The following SLC24A2 variants were observed in gnomAD, a reference collection of about 807,000 sequenced individuals.
SLC24A2 encodes solute carrier family 24 member 2.
Under a neutral mutation model 62.0 loss-of-function variants are expected in SLC24A2, and 36 were observed. The ratio of observed to expected loss-of-function variants is 0.58; its 90% confidence interval spans 0.44 to 0.77. The LOEUF (loss-of-function observed/expected upper bound fraction) is 0.77, where lower values mean the gene tolerates loss of function less well. Among genes scored for constraint, SLC24A2 ranks in the 30% least tolerant of loss-of-function variants. The pLI is 0.00. For synonymous variants in SLC24A2, 358 were observed against 294.0 expected, an observed-to-expected ratio of 1.22 and a Z score of -2.23; for missense variants, 846 against 817.9, an observed-to-expected ratio of 1.03 and a Z score of -0.42.
At chr9:20,260,845 C>CTTTTATTTTTTT in the SLC24A2 span, among the ~76,000 whole-genome samples, 1 of 110,516 alleles carries the variant, frequency 9.0e-6, no homozygotes, top group African/African-American at 3.7e-5. Flanking sequence ...ACGTATCATT[C>CTTTTATTTTTTT]TTTCTTTTTT....
the SLC24A2 span, among the ~76,000 whole-genome samples, chr9:19,974,886 T>A: frequency 2.0e-5 from 3 of 152,212 alleles, no homozygotes; most frequent in Non-Finnish European, 4.4e-5. Flanking sequence ...TTCCTCACAG[T>A]CCCGTCAGGG....
At chr9:20,091,524 A>G in the SLC24A2 span, among the ~76,000 whole-genome samples, 2 of 152,150 alleles carry the variant, frequency 1.3e-5, no homozygotes, top group Admixed American at 6.5e-5. Context: ...CCTACAAGCC[A>G]GAAGAGACTG....
At chr9:19,879,534 T>C in the SLC24A2 span, among the ~76,000 whole-genome samples, 9 of 152,222 alleles carry the variant, frequency 5.9e-5, no homozygotes, top group Non-Finnish European at 1.2e-4. Context: ...TGTTAAAATG[T>C]TGTTGGTTTT....
the SLC24A2 span, among the ~76,000 whole-genome samples, chr9:19,992,482 T>C: frequency 8.5e-5 from 13 of 152,224 alleles, no homozygotes; most frequent in African/African-American, 3.1e-4. Context: ...TCATTTTATA[T>C]ACAAACAATT....
At chr9:20,201,173 C>T in the SLC24A2 span, among the ~76,000 whole-genome samples, 1 of 152,196 alleles carries the variant, frequency 6.6e-6, no homozygotes. Flanking sequence ...ATCCTCACAG[C>T]TAATAGCTAT....
At chr9:20,292,400 G>C in the SLC24A2 span, among the ~76,000 whole-genome samples, 1 of 152,164 alleles carries the variant, frequency 6.6e-6, no homozygotes, top group African/African-American at 2.4e-5. Context: ...GAGAAGAGTA[G>C]GGAGAAAAGA....
chr9:20,131,283 G>A, the SLC24A2 span, among the ~76,000 whole-genome samples: 13 of 152,084 alleles, frequency 8.5e-5, no homozygotes, highest in East Asian at 1.9e-4. Flanking sequence ...CAGACAGGGC[G>A]CCCAGATTCC....
intron 2 of SLC24A2, among the ~76,000 whole-genome samples, chr9:19,636,286 C>T (rs201400977): frequency 0.4 from 35,481 of 87,832 alleles, 9,793 homozygotes; most frequent in Middle Eastern, 0.44. Flanking sequence ...CTCTTCTTCT[C>T]TTCTTTTCTT....
the SLC24A2 span, among the ~76,000 whole-genome samples, chr9:20,141,389 T>C: frequency 6.6e-6 from 1 of 152,126 alleles, no homozygotes; most frequent in Non-Finnish European, 1.5e-5. Flanking sequence ...CTCATTGTTG[T>C]GGTTTTACCC....
the SLC24A2 span, among the ~76,000 whole-genome samples, chr9:20,281,209 C>T: frequency 6.6e-6 from 1 of 152,260 alleles, no homozygotes; most frequent in Non-Finnish European, 1.5e-5. Flanking sequence ...GGAATACAGG[C>T]GTGAACCACC....
At chr9:19,614,850 T>C (rs1210172461) in intron 4 of SLC24A2, among the ~76,000 whole-genome samples, 1 of 151,980 alleles carries the variant, frequency 6.6e-6, no homozygotes, top group Admixed American at 6.6e-5. Context: ...GTGAGGTCCT[T>C]TCAGACCTTC....
the SLC24A2 span, among the ~76,000 whole-genome samples, chr9:20,245,204 G>C: frequency 6.6e-6 from 1 of 152,218 alleles, no homozygotes; most frequent in Non-Finnish European, 1.5e-5. Flanking sequence ...GAAGAAGGTG[G>C]AGAGGGCAAG....
chr9:20,199,779 C>T, the SLC24A2 span, among the ~76,000 whole-genome samples: 12 of 149,894 alleles, frequency 8.0e-5, no homozygotes, highest in African/African-American at 2.5e-4. Context: ...AGTGCAATGG[C>T]GTGATCTCAG....
intron 5 of SLC24A2, among the ~76,000 whole-genome samples, chr9:19,587,231 A>C (rs1188598034): frequency 6.6e-6 from 1 of 152,206 alleles, no homozygotes; most frequent in African/African-American, 2.4e-5. Context: ...ATATATAAAA[A>C]ACAGAATCAA....
chr9:19,936,969 T>C, the SLC24A2 span, among the ~76,000 whole-genome samples: 1 of 152,308 alleles, frequency 6.6e-6, no homozygotes, highest in African/African-American at 2.4e-5. Flanking sequence ...TCTTCTGTCC[T>C]CACTCGTATG....
At chr9:19,644,828 T>A (rs1432862516) in intron 2 of SLC24A2, among the ~76,000 whole-genome samples, 1 of 152,210 alleles carries the variant, frequency 6.6e-6, no homozygotes, top group African/African-American at 2.4e-5. Context: ...TTATTATTAA[T>A]GCTACTTTTT....
At chr9:20,268,680 G>A in the SLC24A2 span, among the ~76,000 whole-genome samples, 1 of 152,226 alleles carries the variant, frequency 6.6e-6, no homozygotes, top group African/African-American at 2.4e-5. Flanking sequence ...CCAGTTTTAG[G>A]TATTCTGTTA....
At chr9:19,720,834 A>AAGGTGTGTG (rs1219217757) in intron 2 of SLC24A2, among the ~76,000 whole-genome samples, 27 of 123,680 alleles carry the variant, frequency 2.2e-4, no homozygotes, top group African/African-American at 8.2e-4. Context: ...TATATGTGGA[A>AAGGTGTGTG]TGATGTGTGT....
At chr9:20,080,808 G>C in the SLC24A2 span, among the ~76,000 whole-genome samples, 1 of 152,022 alleles carries the variant, frequency 6.6e-6, no homozygotes, top group Non-Finnish European at 1.5e-5. Context: ...CCATCAAAAA[G>C]TGGGCGAAGG....
Sources: allele counts gnomAD v4.1 joint callset (sites outside exome capture counted in the v4.1 genomes callset), GRCh38; gene constraint gnomAD v4.1.1; transcripts MANE v1.5; gene names NCBI Gene and HGNC (gene_info 2026-07-23, HGNC 2026-07-21).